PI4K2B: variants seen among roughly 807,000 people sequenced by gnomAD.
The protein encoded by PI4K2B is phosphatidylinositol 4-kinase type 2 beta.
Under a neutral mutation model 56.6 loss-of-function variants are expected in PI4K2B, and 46 were observed. The ratio of observed to expected loss-of-function variants is 0.81; its 90% CI spans 0.64 to 1.04. The LOEUF (loss-of-function observed/expected upper bound fraction) is 1.04. Among genes scored for constraint, PI4K2B ranks in the 50% least tolerant of loss-of-function variants. The pLI is 0.00. For missense variants in PI4K2B, 556 were observed against 607.7 expected, an observed-to-expected ratio of 0.91 and a Z score of 0.89; for synonymous variants, 211 against 223.8, an observed-to-expected ratio of 0.94 and a Z score of 0.51.
intron 1 of PI4K2B, among the ~76,000 whole-genome samples, chr4:25,242,809 C>T (rs189347439): frequency 5.9e-5 from 9 of 152,282 alleles, no homozygotes; most frequent in South Asian, 2.1e-4. Flanking sequence ...TTTTGCCCTT[C>T]GAAAGTGTCC....
At chr4:25,264,223 T>G (rs560427869) in intron 7 of PI4K2B, among the ~76,000 whole-genome samples, 1 of 152,352 alleles carries the variant, frequency 6.6e-6, no homozygotes, top group African/African-American at 2.4e-5. Flanking sequence ...ACCTCATTTT[T>G]AGGGAGTAGT....
intron 1 of PI4K2B, among the ~76,000 whole-genome samples, chr4:25,243,964 G>A (rs1715652566): frequency 6.6e-6 from 1 of 152,144 alleles, no homozygotes; most frequent in Non-Finnish European, 1.5e-5. Flanking sequence ...AAGACACCAG[G>A]TATCTCCAAA....
At chr4:25,247,313 G>A (rs1214436683) in intron 1 of PI4K2B, among the ~76,000 whole-genome samples, 1 of 152,266 alleles carries the variant, frequency 6.6e-6, no homozygotes, top group Non-Finnish European at 1.5e-5. Context: ...CGGTGTGTTG[G>A]AGAGTATTTC....
chr4:25,259,492 G>GT (rs1716376887), intron 5 of PI4K2B, among the ~76,000 whole-genome samples: 1 of 152,086 alleles, frequency 6.6e-6, no homozygotes, highest in Non-Finnish European at 1.5e-5. Flanking sequence ...AGGCTTCATT[G>GT]TATAAATTAT....
chr4:25,260,456 T>A, intron 5 of PI4K2B, 68 bp from the exon 6 acceptor site: 1 of 625,060 alleles, frequency 1.6e-6, no homozygotes, highest in Non-Finnish European at 2.7e-6. Flanking sequence ...CACTAGAGTT[T>A]TCTCATTGAT....
intron 1 of PI4K2B, among the ~76,000 whole-genome samples, chr4:25,236,376 C>A (rs1394137201): frequency 6.6e-6 from 1 of 151,998 alleles, no homozygotes; most frequent in African/African-American, 2.4e-5. Flanking sequence ...CATGGTGAAA[C>A]CCTGCCTCTA....
At chr4:25,274,266 A>G (rs1023319781) in intron 9 of PI4K2B, among the ~76,000 whole-genome samples, 7 of 152,216 alleles carry the variant, frequency 4.6e-5, no homozygotes, top group African/African-American at 1.7e-4. Flanking sequence ...AAGCAAAGTC[A>G]GTATGTAGAA....
chr4:25,273,803 T>C (rs191850006), intron 9 of PI4K2B, among the ~76,000 whole-genome samples: 18 of 152,354 alleles, frequency 1.2e-4, no homozygotes, highest in Non-Finnish European at 2.1e-4. Flanking sequence ...AATTTGTCCA[T>C]GTGTACAGGC....
rs1318256567 is a variant in PI4K2B, at chr4:25,234,036, C to G, written c.-128C>G. 2 of 813,076 alleles carry G rather than the reference C, an allele frequency of 2.5e-6. No individual in the cohort carries two copies. Among genetic ancestry groups the G allele is most frequent in the East Asian group, 3.4e-5 (1 of 29,688 alleles). 50.4% of individuals were successfully genotyped at this position (813,076 alleles called of 1,614,324 possible). On this transcript the variant is annotated 5_prime_UTR_variant, in exon 1 of 10. Transcript: ENST00000264864. ...GGACAACCGCTGGGCGGGCGCCAAG[C>G]GTGCCCGTGCGCTGGTGAGGTGGCG...
At chr4:25,273,680 T>A (rs569794132) in intron 9 of PI4K2B, among the ~76,000 whole-genome samples, 126 of 152,340 alleles carry the variant, frequency 8.3e-4, no homozygotes, top group Non-Finnish European at 1.6e-3. Context: ...TCCTCTGGAT[T>A]TACCGACATT....
At chr4:25,263,697 TG>T in intron 6 of PI4K2B, 52 bp from the exon 7 acceptor site, 3 of 672,816 alleles carry the variant, frequency 4.5e-6, no homozygotes, top group South Asian at 4.0e-5. Context: ...ATTTATCCTT[TG>T]GGAATATTTA....
intron 1 of PI4K2B, among the ~76,000 whole-genome samples, chr4:25,243,217 C>T (rs1429100108): frequency 6.6e-6 from 1 of 152,222 alleles, no homozygotes; most frequent in African/African-American, 2.4e-5. Flanking sequence ...CCCCGGGCAC[C>T]CTCAGTCCTG....
intron 1 of PI4K2B, among the ~76,000 whole-genome samples, chr4:25,242,373 G>C (rs1255697508): frequency 6.6e-6 from 1 of 152,196 alleles, no homozygotes; most frequent in Non-Finnish European, 1.5e-5. Flanking sequence ...TAAACCCCTG[G>C]GGCAAGACCT....
intron 7 of PI4K2B, among the ~76,000 whole-genome samples, chr4:25,267,188 C>A (rs1716697749): frequency 6.6e-6 from 1 of 152,020 alleles, no homozygotes; most frequent in Non-Finnish European, 1.5e-5. Flanking sequence ...GACTGGTGGC[C>A]TTAGGAGAGA....
At chr4:25,261,234 A>G (rs1211999299) in intron 6 of PI4K2B, among the ~76,000 whole-genome samples, 1 of 152,132 alleles carries the variant, frequency 6.6e-6, no homozygotes, top group Non-Finnish European at 1.5e-5. Context: ...ATAATACAAT[A>G]TTACCTAATA....
At chr4:25,256,365 C>G (rs1296125628) in intron 3 of PI4K2B, among the ~76,000 whole-genome samples, 178 bp from the exon 4 acceptor site, 1 of 152,208 alleles carries the variant, frequency 6.6e-6, no homozygotes, top group Non-Finnish European at 1.5e-5. Flanking sequence ...GAAATATGTG[C>G]CCTTCATTTA....
chr4:25,270,426 A>G (rs1380748169), intron 9 of PI4K2B, among the ~76,000 whole-genome samples: 2 of 151,412 alleles, frequency 1.3e-5, no homozygotes, highest in East Asian at 2.0e-4. Context: ...GCTCACTTCA[A>G]CCTCTGTCTC....
chr4:25,275,850 T>C (rs913652689), intron 9 of PI4K2B, among the ~76,000 whole-genome samples: 4 of 152,086 alleles, frequency 2.6e-5, no homozygotes, highest in Non-Finnish European at 4.4e-5. Context: ...ACACCTGTAA[T>C]CTCAGCACTT....
At chr4:25,260,269 T>C (rs993738655) in intron 5 of PI4K2B, among the ~76,000 whole-genome samples, 3 of 152,142 alleles carry the variant, frequency 2.0e-5, no homozygotes, top group Non-Finnish European at 4.4e-5. Context: ...AGGGTAGTTT[T>C]GAGGATTACA....
Sources: gnomAD v4.1 joint callset for allele counts (sites outside exome capture counted in the v4.1 genomes callset) on GRCh38, gnomAD v4.1.1 for gene constraint, MANE v1.5 for transcripts, NCBI Gene and HGNC (gene_info 2026-07-23, HGNC 2026-07-21) for gene names.